TBC1D1: variants seen among roughly 807,000 people sequenced by gnomAD.
TBC1D1 encodes TBC1 domain family member 1, also known as TBC1 (tre-2/USP6, BUB2, cdc16) domain family, member 1.
In TBC1D1, 89 loss-of-function variants were observed where a neutral mutation model predicts 125.6. That is an observed-to-expected ratio of 0.71 (90% CI 0.60 to 0.85). The LOEUF (loss-of-function observed/expected upper bound fraction) is 0.85. Among genes scored for constraint, TBC1D1 ranks in the 40% least tolerant of loss-of-function variants. The pLI, the probability that TBC1D1 is intolerant of heterozygous loss-of-function variation, is 0.00. For synonymous variants in TBC1D1, 565 were observed against 564.1 expected, an observed-to-expected ratio of 1.00 and a Z score of -0.02; for missense variants, 1,377 against 1,469.2, an observed-to-expected ratio of 0.94 and a Z score of 1.03.
chr4:38,060,118 T>G lies in TBC1D1; in HGVS notation c.2050+5780T>G, dbSNP rs189618676. Among the ~76,000 whole-genome samples, 3 of 152,342 alleles carry G rather than the reference T, an allele frequency of 2.0e-5. No homozygotes were observed. In the East Asian group the frequency reaches 5.8e-4, roughly 29 times the overall value. ...TATGTACCACATTTTCTTTATCTAG[T>G]CTATCATTGATGGGCATTTGGGTTG... On this transcript the variant is annotated intron_variant, in intron 12 of 19. Transcript: ENST00000261439.
intron 2 of TBC1D1, among the ~76,000 whole-genome samples, chr4:37,984,528 T>C (rs1456664940): frequency 6.6e-6 from 1 of 152,176 alleles, no homozygotes; most frequent in Non-Finnish European, 1.5e-5. Context: ...CTCCCTTTCT[T>C]TTGATTGACT....
At chr4:37,949,582 C>T (rs1414131797) in intron 2 of TBC1D1, among the ~76,000 whole-genome samples, 1 of 152,214 alleles carries the variant, frequency 6.6e-6, no homozygotes, top group Non-Finnish European at 1.5e-5. Context: ...CTGAAAATCC[C>T]TTAGCAGTGC....
intron 6 of TBC1D1, 27 bp downstream of exon 6, chr4:38,021,745 AAC>A (rs777695485): frequency 1.3e-6 from 2 of 1,512,202 alleles, no homozygotes; most frequent in African/African-American, 2.8e-5. Context: ...TTCCAGCATG[AAC>A]ACAGTGGGAG....
At chr4:38,031,803 A>G (rs1251062719) in intron 7 of TBC1D1, among the ~76,000 whole-genome samples, 1 of 152,160 alleles carries the variant, frequency 6.6e-6, no homozygotes, top group Admixed American at 6.5e-5. Flanking sequence ...GGCAGTTTAT[A>G]TCTGAATTGC....
chr4:37,984,060 C>T (rs1218742157), intron 2 of TBC1D1, among the ~76,000 whole-genome samples: 3 of 152,026 alleles, frequency 2.0e-5, no homozygotes, highest in Non-Finnish European at 4.4e-5. Context: ...TAAGTATATG[C>T]ATTTAAGTTT....
chr4:38,135,046 C>T (rs1766253995), intron 19 of TBC1D1, among the ~76,000 whole-genome samples: 1 of 152,128 alleles, frequency 6.6e-6, no homozygotes, highest in Non-Finnish European at 1.5e-5. Flanking sequence ...ATAGTTTTTC[C>T]ATGATCCCCT....
At chr4:37,924,479 A>C (rs561527630) in intron 2 of TBC1D1, among the ~76,000 whole-genome samples, 33 of 152,316 alleles carry the variant, frequency 2.2e-4, no homozygotes, top group Non-Finnish European at 3.8e-4. Flanking sequence ...ACCCATTTCC[A>C]GAACTTTTTC....
intron 12 of TBC1D1, among the ~76,000 whole-genome samples, chr4:38,066,776 CAAAGGATGCATTA>C (rs143501525): frequency 0.018 from 2,786 of 152,250 alleles, 88 homozygotes; most frequent in African/African-American, 0.063. Context: ...GAGATAAAGC[CAAAGGATGCATTA>C]AACTGCTTCT....
At chr4:38,121,700 TTTTG>T (rs1763887641) in intron 17 of TBC1D1, among the ~76,000 whole-genome samples, 2 of 152,004 alleles carry the variant, frequency 1.3e-5, no homozygotes, top group Non-Finnish European at 2.9e-5. Flanking sequence ...TGTTTTTTTG[TTTTG>T]TTTTGTTTTG....
chr4:38,101,373 C>T (rs1260921176), intron 14 of TBC1D1, among the ~76,000 whole-genome samples: 1 of 152,214 alleles, frequency 6.6e-6, no homozygotes, highest in African/African-American at 2.4e-5. Flanking sequence ...TGCTCTCCCC[C>T]TTTCCACCTT....
chr4:37,893,264 C>T (rs1713761686), intron 1 of TBC1D1, among the ~76,000 whole-genome samples: 1 of 152,162 alleles, frequency 6.6e-6, no homozygotes, highest in African/African-American at 2.4e-5. Context: ...GTCCTTCCTA[C>T]TCTCTCCACA....
At chr4:37,892,844 C>T (rs1315363350) in intron 1 of TBC1D1, among the ~76,000 whole-genome samples, 1 of 152,172 alleles carries the variant, frequency 6.6e-6, no homozygotes, top group Non-Finnish European at 1.5e-5. Flanking sequence ...AACTCTGAAG[C>T]AACAGAGCTT....
chr4:38,016,485 T>C (rs774873075), intron 3 of TBC1D1, among the ~76,000 whole-genome samples: 1 of 152,244 alleles, frequency 6.6e-6, no homozygotes, highest in Admixed American at 6.5e-5. Context: ...GGAATAATCG[T>C]ATCAGTAAGA....
intron 2 of TBC1D1, among the ~76,000 whole-genome samples, chr4:37,938,342 GT>G: frequency 6.6e-6 from 1 of 152,290 alleles, no homozygotes; most frequent in South Asian, 2.1e-4. Flanking sequence ...AGGAAACCTA[GT>G]TCTGGGTGTA....
chr4:37,899,886 C>A (rs1205333659), intron 1 of TBC1D1, among the ~76,000 whole-genome samples: 1 of 149,666 alleles, frequency 6.7e-6, no homozygotes, highest in East Asian at 2.0e-4. Flanking sequence ...TTTGGGAGGC[C>A]GAGGCGGGCG....
chr4:37,919,772 A>G (rs774393038), intron 2 of TBC1D1, among the ~76,000 whole-genome samples: 4 of 152,098 alleles, frequency 2.6e-5, no homozygotes, highest in Non-Finnish European at 5.9e-5. Context: ...GAATGTTCTT[A>G]TTTAGCTTCT....
chr4:37,961,816 G>A (rs754966166), intron 2 of TBC1D1, among the ~76,000 whole-genome samples: 2 of 152,192 alleles, frequency 1.3e-5, no homozygotes, highest in African/African-American at 4.8e-5. Context: ...ACAGGCCAAA[G>A]TTTCCAAATC....
chr4:37,981,437 T>C (rs562715009), intron 2 of TBC1D1, among the ~76,000 whole-genome samples: 4 of 152,318 alleles, frequency 2.6e-5, no homozygotes, highest in African/African-American at 9.6e-5. Flanking sequence ...TTTGAGGAGC[T>C]GGGGATTTAG....
In TBC1D1 at chr4:38,014,795, C is replaced by A. The variant is rs778584750; in HGVS notation, c.704C>A (p.Ser235Tyr). 4 of 1,583,098 alleles carry A rather than the reference C, an allele frequency of 2.5e-6. No homozygotes were observed. The highest frequency in any genetic ancestry group is 3.4e-6 in the Non-Finnish European group (4 of 1,161,016). The change falls in exon 3 of 20, where the codon TCC becomes TAC. Residue 235 changes from serine to tyrosine, a missense_variant. Coordinates refer to ENST00000261439, the MANE Select transcript of TBC1D1 (RefSeq NM_015173.4). The surrounding 1 kb of genome is among the most constrained non-coding windows in gnomAD (Gnocchi z 5.1). ...CCTGTGCGCAGGCCCATGCGCAAGTCCTTCTCCCAGCCCGGCCTGCGCTCG... is the reference window on the plus strand; with the variant it reads ...CCTGTGCGCAGGCCCATGCGCAAGTACTTCTCCCAGCCCGGCCTGCGCTCG...
Sources: allele counts gnomAD v4.1 joint callset (sites outside exome capture counted in the v4.1 genomes callset), GRCh38; gene constraint gnomAD v4.1.1; non-coding constraint Gnocchi (gnomAD v3.1); transcripts MANE v1.5; gene names NCBI Gene and HGNC (gene_info 2026-07-23, HGNC 2026-07-21).